Variants in RICTOR observed in about 807,000 individuals in gnomAD.
The protein encoded by RICTOR is rapamycin-insensitive companion of mTOR.
RICTOR carries 49 observed loss-of-function variants against 214.9 expected under a neutral mutation model. That is an observed-to-expected ratio of 0.23 (90% confidence interval 0.18 to 0.29). The LOEUF is 0.29. Among genes scored for constraint, RICTOR ranks in the 10% least tolerant of loss-of-function variants. The pLI, the probability that RICTOR is intolerant of heterozygous loss-of-function variation, is 1.00. For synonymous variants in RICTOR, 717 were observed against 711.3 expected, an observed-to-expected ratio of 1.01 and a Z score of -0.13; for missense variants, 1,625 against 2,047.0, an observed-to-expected ratio of 0.79 and a Z score of 3.98.
In RICTOR at chr5:39,020,574, G is replaced by A. The variant is rs187544336; in HGVS notation, c.195+465C>T. ...AACATAATGCTATTGCACACTTAATGGACTACACTATAGTATAAACATAAC... is the reference window on the plus strand; with the variant it reads ...AACATAATGCTATTGCACACTTAATAGACTACACTATAGTATAAACATAAC... On this transcript the variant is annotated intron_variant, in intron 3 of 37. Coordinates refer to ENST00000357387, the MANE Select transcript of RICTOR (RefSeq NM_152756.5). 3.1e-4 allele frequency among the ~76,000 whole-genome samples: 47 copies of A among 152,226 alleles called. No individual in the cohort carries two copies. The South Asian group carries it at 7.1e-3, about 23-fold the overall frequency.
At chr5:38,994,932 C>T (rs983407262) in intron 6 of RICTOR, among the ~76,000 whole-genome samples, 4 of 152,166 alleles carry the variant, frequency 2.6e-5, no homozygotes, top group Admixed American at 2.6e-4. Context: ...AGAGATTCTG[C>T]ATAGCAATAC....
rs538745997 is a variant in RICTOR, at chr5:39,014,970, A to T, written c.195+6069T>A. 1.6e-4 allele frequency among the ~76,000 whole-genome samples: 25 copies of T among 152,346 alleles called. No homozygotes were observed. In the Middle Eastern group the frequency reaches 0.01, roughly 62 times the overall value. On this transcript the variant is annotated intron_variant, in intron 3 of 37. Transcript: ENST00000357387. ...CATATTTAAAATGCATCATCTTCCC[A>T]ATCTAATATAATACCATTAATTAAA...
chr5:39,059,364 G>A (rs1299761981), intron 2 of RICTOR, among the ~76,000 whole-genome samples: 2 of 152,070 alleles, frequency 1.3e-5, no homozygotes, highest in Non-Finnish European at 2.9e-5. Flanking sequence ...CCTTGGCTGG[G>A]AAAGTAGTGC....
Position 38,967,914 on chromosome 5 carries a change from A to G in RICTOR, c.1060+29T>C. The G allele has an allele frequency of 1.8e-6, 2 of 1,135,240 alleles. 1 individual carries two copies. Among genetic ancestry groups the G allele is most frequent in the East Asian group, 4.7e-5 (2 of 42,520 alleles). The allele number at this position is 1,135,240 out of a possible 1,614,324, so 70.3% of individuals were successfully genotyped here. A position where few individuals can be genotyped will look rare whatever the true frequency, so the allele number is the denominator to read the frequency against. On this transcript the variant is annotated intron_variant, in intron 12 of 37. Coordinates refer to ENST00000357387, the MANE Select transcript of RICTOR (RefSeq NM_152756.5). Reference sequence around the variant, plus strand: ...CATTAAATAAAAATTACAATATATGAAAAGATACAAATGTACTTCAATACT... The same window carrying G: ...CATTAAATAAAAATTACAATATATGGAAAGATACAAATGTACTTCAATACT...
chr5:38,975,659 A>G, intron 9 of RICTOR, 55 bp from the exon 10 acceptor site: 3 of 1,323,878 alleles, frequency 2.3e-6, no homozygotes, highest in Non-Finnish European at 3.3e-6. Flanking sequence ...TGTTAAAATG[A>G]GTTTTTTCCT....
intron 2 of RICTOR, among the ~76,000 whole-genome samples, chr5:39,071,936 C>T (rs1341290935): frequency 6.6e-6 from 1 of 152,208 alleles, no homozygotes; most frequent in Non-Finnish European, 1.5e-5. Flanking sequence ...ACCCAAACTG[C>T]CTCACAGTTC....
intron 2 of RICTOR, among the ~76,000 whole-genome samples, chr5:39,023,077 A>C (rs1156470329): frequency 6.6e-6 from 1 of 152,180 alleles, no homozygotes; most frequent in Admixed American, 6.5e-5. Context: ...TCTTAAAAGT[A>C]GCCAGATTAA....
intron 3 of RICTOR, among the ~76,000 whole-genome samples, chr5:39,017,647 A>G (rs1755064253): frequency 6.6e-6 from 1 of 152,154 alleles, no homozygotes; most frequent in Non-Finnish European, 1.5e-5. Flanking sequence ...GGAAAAATAA[A>G]TGCCTATGTA....
rs564817528 is a variant in RICTOR, at chr5:38,945,483, T to C, written c.4633+8A>G. On this transcript the variant is annotated splice_region_variant and intron_variant, in intron 34 of 37. Coordinates refer to ENST00000357387, the MANE Select transcript of RICTOR (RefSeq NM_152756.5). ...AGGTTTTTCTGAAGGTGGGACGTGA[T>C]CACTTACCTGAATGACTACATATTG... 59 of 1,582,484 alleles carry C rather than the reference T, an allele frequency of 3.7e-5. 1 individual carries two copies. The South Asian group carries it at 6.2e-4, about 17-fold the overall frequency.
intron 25 of RICTOR, among the ~76,000 whole-genome samples, chr5:38,957,291 T>C (rs905671489): frequency 6.6e-6 from 1 of 152,112 alleles, no homozygotes; most frequent in African/African-American, 2.4e-5. Context: ...AAAAATTATT[T>C]TGGTTTTAGC....
chr5:38,988,539 G>A (rs570777160), intron 7 of RICTOR, among the ~76,000 whole-genome samples: 1 of 152,144 alleles, frequency 6.6e-6, no homozygotes, highest in African/African-American at 2.4e-5. Context: ...CTTTCCACTT[G>A]CTTGGTAAAT....
chr5:38,983,798 T>C (rs1160871645), intron 7 of RICTOR, among the ~76,000 whole-genome samples: 1 of 151,768 alleles, frequency 6.6e-6, no homozygotes, highest in Non-Finnish European at 1.5e-5. Context: ...CCATCTCTAC[T>C]GAAAATACAA....
At chr5:39,036,553 T>C (rs1307818704) in intron 2 of RICTOR, among the ~76,000 whole-genome samples, 2 of 152,182 alleles carry the variant, frequency 1.3e-5, no homozygotes, top group African/African-American at 4.8e-5. Context: ...CCCATCAGTG[T>C]GCTGTATTCA....
intron 5 of RICTOR, among the ~76,000 whole-genome samples, chr5:38,997,847 G>T (rs1753290728): frequency 1.3e-5 from 2 of 152,174 alleles, no homozygotes; most frequent in African/African-American, 4.8e-5. Flanking sequence ...AAAGACAGAG[G>T]TTTAACTTCA....
At chr5:38,977,273 C>A (rs1026837029) in intron 9 of RICTOR, among the ~76,000 whole-genome samples, 1 of 152,154 alleles carries the variant, frequency 6.6e-6, no homozygotes, top group African/African-American at 2.4e-5. Context: ...ACCAGAGCCT[C>A]CAGGCAAGAC....
chr5:39,019,042 C>A (rs181266982), intron 3 of RICTOR, among the ~76,000 whole-genome samples: 11 of 152,276 alleles, frequency 7.2e-5, no homozygotes, highest in African/African-American at 2.6e-4. Context: ...ACCAACATTC[C>A]TTTAAACTAA....
Position 38,953,477 on chromosome 5 carries a change from G to A in RICTOR, c.2774C>T (p.Ala925Val). 1.4e-6 allele frequency: 2 copies of A among 1,467,690 alleles called. No homozygotes were observed. Among genetic ancestry groups the A allele is most frequent in the Non-Finnish European group, 1.8e-6 (2 of 1,092,560 alleles). The allele number at this position is 1,467,690 out of a possible 1,614,324, so 90.9% of individuals were successfully genotyped here. A position where few individuals can be genotyped will look rare whatever the true frequency, so the allele number is the denominator to read the frequency against. Residue 925 changes from alanine (A) to valine (V), a missense_variant, in exon 28 of 38, where the codon GCA (alanine) becomes GTA (valine). This residue lies in a region of RICTOR where 1,214 missense variants were observed against 1,470.5 expected (regional missense o/e 0.83). Coordinates refer to ENST00000357387, the MANE Select transcript of RICTOR (RefSeq NM_152756.5). The part of the protein sequence containing the change: ...DKWEEIKKLK[A>V]SLWALGNIGS... ...ATTACAAACCAAGGCCCAAAGAGAT[G>A]CTTTCAGTTTTTTAATTTCTTCCCA...
chr5:38,973,474 T>G (rs773424303), intron 10 of RICTOR, among the ~76,000 whole-genome samples: 10 of 152,196 alleles, frequency 6.6e-5, no homozygotes, highest in Non-Finnish European at 1.5e-4. Context: ...TAGGTGGAAG[T>G]ATATGGGTGT....
intron 2 of RICTOR, among the ~76,000 whole-genome samples, chr5:39,071,891 T>C (rs770614533): frequency 2.0e-5 from 3 of 152,236 alleles, no homozygotes; most frequent in Non-Finnish European, 1.5e-5. Context: ...TTACATACTG[T>C]AATCTAATCC....
Sources: gnomAD v4.1 joint callset for allele counts (sites outside exome capture counted in the v4.1 genomes callset) on GRCh38, gnomAD v4.1.1 for gene constraint, gnomAD v4.1.1 regional missense constraint, MANE v1.5 for transcripts, NCBI Gene and HGNC (gene_info 2026-07-23, HGNC 2026-07-21) for gene names.